Variants in RPS5 observed in about 807,000 individuals in gnomAD.
RPS5 encodes the protein small ribosomal subunit protein uS7.
A neutral mutation model predicts 20.9 loss-of-function variants in RPS5; 2 were observed. The observed-to-expected ratio is 0.10, with a 90% CI of 0.04 to 0.30. RPS5 has a LOEUF of 0.30. Among genes scored for constraint, RPS5 ranks in the 10% least tolerant of loss-of-function variants. RPS5 has a pLI of 1.00. For missense variants in RPS5, 122 were observed against 287.2 expected (o/e 0.42, Z 4.16); for synonymous variants, 112 against 105.8 (o/e 1.06, Z -0.36).
chr19:58,394,248 A>G (rs566780448), intron 4 of RPS5: 5 of 514,564 alleles, frequency 9.7e-6, no homozygotes, highest in African/African-American at 9.6e-5. Flanking sequence ...CCGGCCGTCT[A>G]GCAGTTTGCT....
intron 2 of RPS5, chr19:58,388,576 G>C: frequency 2.8e-6 from 1 of 353,028 alleles, no homozygotes; most frequent in Non-Finnish European, 5.2e-6. Flanking sequence ...CTCCTAAAGA[G>C]ATGTTTTTTT....
At chr19:58,394,244 G>A (rs574021468) in intron 4 of RPS5, 31 of 503,022 alleles carry the variant, frequency 6.2e-5, no homozygotes, top group Non-Finnish European at 8.0e-5. Flanking sequence ...GTGCCCGGCC[G>A]TCTAGCAGTT....
chr19:58,393,543 G>A (rs1245327084), intron 4 of RPS5, 56 bp downstream of exon 4: 3 of 1,573,900 alleles, frequency 1.9e-6, no homozygotes, highest in Admixed American at 1.7e-5. Context: ...GAGTGGGTGG[G>A]GTCTTGCCTG....
At chr19:58,392,331 A>AG (rs1491221572) in intron 2 of RPS5, among the ~76,000 whole-genome samples, 4 of 146,594 alleles carry the variant, frequency 2.7e-5, no homozygotes, top group African/African-American at 1.0e-4. Flanking sequence ...CAAGGGGGGG[A>AG]AAAAAAAAAC....
At chr19:58,393,263 ATC>A in intron 3 of RPS5, 78 bp downstream of exon 3, 4 of 1,611,002 alleles carry the variant, frequency 2.5e-6, no homozygotes, top group Non-Finnish European at 3.4e-6. Context: ...TGTCAGGCTT[ATC>A]CCCTGTGTGG....
intron 1 of RPS5, 162 bp from the exon 2 acceptor site, chr19:58,387,975 A>G (rs1529959): frequency 0.44 from 262,186 of 601,814 alleles, 58,326 homozygotes; most frequent in African/African-American, 0.57. Flanking sequence ...CAGCTGAGTA[A>G]TTTTTCTAGT....
chr19:58,389,630 GTTTATTTA>G (rs577166239), intron 2 of RPS5, among the ~76,000 whole-genome samples: 1 of 151,612 alleles, frequency 6.6e-6, no homozygotes, highest in African/African-American at 2.4e-5. Context: ...TTTTTTGTTT[GTTTATTTA>G]TTTATTTATT....
In RPS5 at chr19:58,394,788, T is replaced by G. The variant is rs1568575133; in HGVS notation, c.*38T>G. The G allele has an allele frequency of 6.3e-7, 1 of 1,599,976 alleles. No homozygotes were observed. Among genetic ancestry groups the G allele is most frequent in the Middle Eastern group, 1.7e-4 (1 of 6,008 alleles). On this transcript the variant is annotated 3_prime_UTR_variant, in exon 6 of 6. Coordinates refer to ENST00000196551, the MANE Select transcript of RPS5 (RefSeq NM_001009.4). ...CTGCCCAATAAACCTGTCTGCCCTTTGGGGCAGTCCCAGCCACCTGTGCTG... is the reference window on the plus strand; with the variant it reads ...CTGCCCAATAAACCTGTCTGCCCTTGGGGGCAGTCCCAGCCACCTGTGCTG...
chr19:58,392,273 G>C (rs568106457), intron 2 of RPS5, among the ~76,000 whole-genome samples: 2 of 151,736 alleles, frequency 1.3e-5, no homozygotes, highest in Admixed American at 1.3e-4. Context: ...GCAGTGAGCC[G>C]AGGTTGCGCC....
At chr19:58,389,778 A>C (rs2052351482) in intron 2 of RPS5, among the ~76,000 whole-genome samples, 1 of 151,806 alleles carries the variant, frequency 6.6e-6, no homozygotes, top group Admixed American at 6.5e-5. Flanking sequence ...CTGAGATTAC[A>C]GGCGCACACC....
intron 4 of RPS5, chr19:58,393,999 G>A (rs1390818219): frequency 5.9e-6 from 1 of 168,522 alleles, no homozygotes; most frequent in Non-Finnish European, 1.3e-5. Context: ...AAATAATTGA[G>A]ATGGAATCTC....
At chr19:58,387,861 C>T in intron 1 of RPS5, 1 of 474,400 alleles carries the variant, frequency 2.1e-6, no homozygotes. Context: ...CGTATGGCAT[C>T]TGCTGAGCCA....
intron 2 of RPS5, among the ~76,000 whole-genome samples, chr19:58,392,362 A>G (rs2052369302): frequency 6.6e-6 from 1 of 151,844 alleles, no homozygotes; most frequent in African/African-American, 2.4e-5. Context: ...GCAGTGGCTC[A>G]TGCCTGTAAT....
rs149481790 is a variant in RPS5 at position 58,393,164 on chromosome 19, C to A, written c.297C>A (p.Ile99=). The change falls in exon 3 of 6, where the codon ATC becomes ATA. Residue 99 remains isoleucine, a synonymous_variant. Coordinates refer to ENST00000196551, the MANE Select transcript of RPS5 (RefSeq NM_001009.4). ...GCATCGTCAAGCATGCCTTCGAGAT[C>A]ATACACCTGCTCACAGGCGAGGTAG... ...TVRIVKHAFE[I]IHLLTGENPL... is the part of the protein sequence containing the mutation. 1 of 1,614,102 alleles carries A rather than the reference C, an allele frequency of 6.2e-7. No individual in the cohort carries two copies. Among genetic ancestry groups the A allele is most frequent in the South Asian group, 1.1e-5 (1 of 91,068 alleles).
rs35576516 is a variant in RPS5, at chr19:58,391,432, C to CAAAAAA, written c.109-1529_109-1524dup. 6.0e-3 allele frequency among the ~76,000 whole-genome samples: 454 copies of CAAAAAA among 75,966 alleles called. 25 individuals carry two copies. Among genetic ancestry groups the CAAAAAA allele is most frequent in the African/African-American group, 0.024 (405 of 16,614 alleles). The allele number at this position is 75,966 out of a possible 152,430, so 49.8% of individuals were successfully genotyped here. ...GGCCAACAAGAGCGAAACTCCATCT[C>CAAAAAA]AAAAAAAAAAAAAAAAAAAACTGGG... On this transcript the variant is annotated intron_variant, in intron 2 of 5. Coordinates refer to ENST00000196551, the MANE Select transcript of RPS5 (RefSeq NM_001009.4).
At chr19:58,388,425 C>T (rs1424504885) in intron 2 of RPS5, 180 bp downstream of exon 2, 1 of 593,348 alleles carries the variant, frequency 1.7e-6, no homozygotes, top group Non-Finnish European at 3.0e-6. Flanking sequence ...AAGATGACTA[C>T]AACTTCTGTC....
At chr19:58,392,299 G>T (rs2052368166) in intron 2 of RPS5, among the ~76,000 whole-genome samples, 2 of 152,028 alleles carry the variant, frequency 1.3e-5, no homozygotes, top group Admixed American at 1.3e-4. Flanking sequence ...ACTCCAGCCT[G>T]GGTGACAGCA....
intron 2 of RPS5, among the ~76,000 whole-genome samples, chr19:58,390,677 G>T (rs1190737004): frequency 6.6e-6 from 1 of 151,884 alleles, no homozygotes; most frequent in African/African-American, 2.4e-5. Flanking sequence ...TCTATTAAAC[G>T]TTTGTTAAGT....
At chr19:58,393,651 G>A (rs1489864997) in intron 4 of RPS5, 164 bp downstream of exon 4, 1 of 837,734 alleles carries the variant, frequency 1.2e-6, no homozygotes, top group Non-Finnish European at 1.8e-6. Flanking sequence ...GGCTGATCCA[G>A]GCTCTGGGTC....
Sources: gnomAD v4.1 joint callset for allele counts (sites outside exome capture counted in the v4.1 genomes callset) on GRCh38, gnomAD v4.1.1 for gene constraint, MANE v1.5 for transcripts, NCBI Gene and HGNC (gene_info 2026-07-23, HGNC 2026-07-21) for gene names.